Variants in PPP1R1C observed in about 807,000 individuals in gnomAD.
PPP1R1C encodes the protein protein phosphatase 1 regulatory inhibitor subunit 1C.
Under a neutral mutation model 17.4 loss-of-function variants are expected in PPP1R1C, and 15 were observed. That is an observed-to-expected ratio of 0.86 (90% confidence interval 0.58 to 1.33). The LOEUF (loss-of-function observed/expected upper bound fraction) is 1.33. Ranked by LOEUF, PPP1R1C falls within the 40% of genes most tolerant of loss-of-function variation. PPP1R1C has a pLI of 0.00. For missense variants in PPP1R1C, 143 were observed against 130.0 expected (o/e 1.10, Z -0.48); for synonymous variants, 35 against 43.1 (o/e 0.81, Z 0.73).
At chr2:181,959,658 A>C (rs908456895) in intron 1 of PPP1R1C, among the ~76,000 whole-genome samples, 1 of 152,210 alleles carries the variant, frequency 6.6e-6, no homozygotes, top group Admixed American at 6.5e-5. Context: ...CTGAAAAAAA[A>C]GCCACATTTT....
At chr2:181,987,760 G>A in intron 1 of PPP1R1C, 79 bp from the exon 2 acceptor site, 5 of 1,435,654 alleles carry the variant, frequency 3.5e-6, no homozygotes, top group Non-Finnish European at 4.9e-6. Context: ...ATGAGGGTGA[G>A]ACAGCTTTGC....
At chr2:182,123,987 T>G (rs4616439) in intron 5 of PPP1R1C, among the ~76,000 whole-genome samples, 105,005 of 152,106 alleles carry the variant, frequency 0.69, 36,667 homozygotes, top group African/African-American at 0.79. Context: ...ATGGTTTTAG[T>G]TCTAACATTT....
intron 4 of PPP1R1C, among the ~76,000 whole-genome samples, chr2:182,070,698 G>A (rs1464353605): frequency 1.3e-5 from 2 of 152,158 alleles, no homozygotes; most frequent in Admixed American, 6.6e-5. Context: ...TTCTTGCATT[G>A]CTATAAAGAA....
intron 2 of PPP1R1C, among the ~76,000 whole-genome samples, chr2:182,016,617 C>T (rs1025763530): frequency 1.3e-5 from 2 of 152,246 alleles, no homozygotes; most frequent in East Asian, 3.9e-4. Flanking sequence ...CCATTTTAAA[C>T]ATGAAAGTCC....
At chr2:182,069,271 T>C (rs955270770) in intron 4 of PPP1R1C, among the ~76,000 whole-genome samples, 1 of 151,928 alleles carries the variant, frequency 6.6e-6, no homozygotes, top group Admixed American at 6.6e-5. Flanking sequence ...CAAGTCTCGC[T>C]TTCTTTTTTT....
In PPP1R1C at chr2:181,989,159, C is replaced by G. The variant is rs138890664; in HGVS notation, c.142+1260C>G. Reference sequence around the variant, plus strand: ...TCTGTAATGTCCTAAAACTTTCCTCCCTATGCCTGCCTTAAGGTGTACTGC... The same window carrying G: ...TCTGTAATGTCCTAAAACTTTCCTCGCTATGCCTGCCTTAAGGTGTACTGC... On this transcript the variant is annotated intron_variant, in intron 2 of 4. Coordinates refer to ENST00000682840, the MANE Select transcript of PPP1R1C (RefSeq NM_001080545.3). Among the ~76,000 whole-genome samples the G allele has an allele frequency of 4.6e-4, 70 of 152,238 alleles. No individual in the cohort carries two copies. In the East Asian group the frequency reaches 0.013, roughly 29 times the overall value.
intron 2 of PPP1R1C, among the ~76,000 whole-genome samples, chr2:182,046,693 T>A (rs1179161869): frequency 1.3e-5 from 2 of 150,866 alleles, no homozygotes; most frequent in Admixed American, 6.6e-5. Context: ...GAGCCGAGAT[T>A]GCGCCACTGC....
chr2:181,982,764 T>C (rs1002349804), upstream of PPP1R1C, among the ~76,000 whole-genome samples: 1 of 152,130 alleles, frequency 6.6e-6, no homozygotes, highest in African/African-American at 2.4e-5. Context: ...TCTTGAGGAA[T>C]CATGCAAAGT....
At chr2:181,985,596 T>C (rs972149432), upstream of PPP1R1C, among the ~76,000 whole-genome samples, 2 of 152,152 alleles carry the variant, frequency 1.3e-5, no homozygotes, top group Non-Finnish European at 2.9e-5. This position sits in a 1 kb window ranked among gnomAD's most constrained non-coding sequence, Gnocchi z 4.1. Flanking sequence ...CTGAGAGAAA[T>C]GATTCCATAC....
At position 181,964,500 on chromosome 2, in the gene PPP1R1C, A is replaced by G. The variant is rs113127948; in HGVS notation, n.111+9866A>G. Among the ~76,000 whole-genome samples the G allele has an allele frequency of 8.8e-4, 134 of 152,280 alleles. 2 individuals are homozygous for G. The highest frequency in any genetic ancestry group is 3.4e-3 in the Middle Eastern group (1 of 294). On this transcript the variant is annotated intron_variant and non_coding_transcript_variant, in intron 1 of 5. Transcript: ENST00000464264. ...ATACACTAAGCAGTGGAATTACTGG[A>G]TCATATGGTAGCTCTATTTTTTAGT...
chr2:181,958,577 C>A (rs1424805267), intron 1 of PPP1R1C, among the ~76,000 whole-genome samples: 1 of 152,154 alleles, frequency 6.6e-6, no homozygotes, highest in African/African-American at 2.4e-5. Flanking sequence ...GGCAGTGGGT[C>A]CTTCTTCCTG....
chr2:182,020,771 C>T (rs1686398370), intron 2 of PPP1R1C, among the ~76,000 whole-genome samples: 3 of 152,236 alleles, frequency 2.0e-5, no homozygotes, highest in South Asian at 4.2e-4. Flanking sequence ...CTGACCTTCC[C>T]CAACCTTTTC....
At chr2:181,966,425 A>T (rs952588533) in intron 1 of PPP1R1C, among the ~76,000 whole-genome samples, 1 of 152,166 alleles carries the variant, frequency 6.6e-6, no homozygotes, top group African/African-American at 2.4e-5. Context: ...ATTCAGTATG[A>T]TACTAGCTGT....
At chr2:182,036,703 TTGTG>T (rs948003275) in intron 2 of PPP1R1C, among the ~76,000 whole-genome samples, 6 of 150,916 alleles carry the variant, frequency 4.0e-5, no homozygotes, top group Non-Finnish European at 5.9e-5. Flanking sequence ...CTCTATGTGT[TTGTG>T]TGTGTGTGTG....
intron 4 of PPP1R1C, among the ~76,000 whole-genome samples, chr2:182,082,867 T>C (rs1002884592): frequency 1.3e-5 from 2 of 152,140 alleles, no homozygotes; most frequent in African/African-American, 2.4e-5. Flanking sequence ...AAAAGGTACC[T>C]GTTGGGAAGC....
intron 2 of PPP1R1C, among the ~76,000 whole-genome samples, chr2:181,980,701 A>G (rs1230841836): frequency 6.6e-6 from 1 of 152,234 alleles, no homozygotes; most frequent in Non-Finnish European, 1.5e-5. Flanking sequence ...CAACAAGAAT[A>G]GAGATTAAAC....
chr2:182,043,328 A>T (rs1293794611), intron 2 of PPP1R1C, among the ~76,000 whole-genome samples: 1 of 152,220 alleles, frequency 6.6e-6, no homozygotes, highest in African/African-American at 2.4e-5. Flanking sequence ...AAGCCTCCTC[A>T]AAAGGTCTGA....
At chr2:182,049,953 A>C (rs914207639) in intron 2 of PPP1R1C, among the ~76,000 whole-genome samples, 3 of 152,174 alleles carry the variant, frequency 2.0e-5, no homozygotes, top group Non-Finnish European at 4.4e-5. Context: ...AATTGCCAAA[A>C]TATCTTGTGG....
At chr2:182,068,649 T>C (rs569883836) in intron 4 of PPP1R1C, among the ~76,000 whole-genome samples, 3 of 152,320 alleles carry the variant, frequency 2.0e-5, no homozygotes, top group South Asian at 2.1e-4. Flanking sequence ...TCAGACATCA[T>C]GTCCTTTATT....
Sources: gnomAD v4.1 joint callset for allele counts (sites outside exome capture counted in the v4.1 genomes callset) on GRCh38, gnomAD v4.1.1 for gene constraint, Gnocchi (gnomAD v3.1) non-coding constraint, MANE v1.5 for transcripts, NCBI Gene and HGNC (gene_info 2026-07-23, HGNC 2026-07-21) for gene names.